Variants in KIAA1217 observed in about 807,000 individuals in gnomAD.
KIAA1217 encodes KIAA1217, also known as sickle tail protein homolog.
A neutral mutation model predicts 163.9 loss-of-function variants in KIAA1217; 88 were observed. The observed-to-expected ratio is 0.54, with a 90% CI of 0.45 to 0.64. The LOEUF is 0.64. KIAA1217 is among the 30% of genes least tolerant of loss of function. The pLI is 0.00. For synonymous variants in KIAA1217, 903 were observed against 923.1 expected, an observed-to-expected ratio of 0.98 and a Z score of 0.39; for missense variants, 2,372 against 2,475.0, an observed-to-expected ratio of 0.96 and a Z score of 0.88.
At chr10:24,314,336 G>A (rs754832789) in intron 2 of KIAA1217, among the ~76,000 whole-genome samples, 12 of 152,248 alleles carry the variant, frequency 7.9e-5, no homozygotes, top group South Asian at 2.1e-4. Flanking sequence ...GACAACATGC[G>A]GGAGACTTAG....
At chr10:23,845,312 A>G (rs1488223486) in intron 1 of KIAA1217, among the ~76,000 whole-genome samples, 2 of 152,200 alleles carry the variant, frequency 1.3e-5, no homozygotes, top group Non-Finnish European at 2.9e-5. Context: ...GAATCACCAC[A>G]CTGTCTTCCA....
rs530766850 is a variant in KIAA1217 at position 24,085,191 on chromosome 10, G to A, written c.-171+77817G>A. 3.3e-5 allele frequency among the ~76,000 whole-genome samples: 5 copies of A among 152,230 alleles called. No individual in the cohort carries two copies. The East Asian group carries it at 5.8e-4, about 18-fold the overall frequency. Reference sequence around the variant, plus strand: ...AGCCTCCCAAAGTGCTGGGATTACCGCGTGAGCCACCGCGCCCGGCCCAGA... The same window carrying A: ...AGCCTCCCAAAGTGCTGGGATTACCACGTGAGCCACCGCGCCCGGCCCAGA... On this transcript the variant is annotated intron_variant, in intron 2 of 18. Coordinates refer to the KIAA1217 transcript ENST00000376462.
intron 1 of KIAA1217, among the ~76,000 whole-genome samples, chr10:23,794,378 C>T (rs1314103026): frequency 6.6e-6 from 1 of 152,122 alleles, no homozygotes; most frequent in Non-Finnish European, 1.5e-5. Flanking sequence ...GGAAACCGAC[C>T]CATCCTGTTC....
At chr10:23,744,410 G>A (rs1839286470) in intron 1 of KIAA1217, among the ~76,000 whole-genome samples, 1 of 152,178 alleles carries the variant, frequency 6.6e-6, no homozygotes, top group Non-Finnish European at 1.5e-5. Flanking sequence ...TTCCTCAGAG[G>A]ACACACTAGG....
chr10:24,480,047 T>A (rs1316903549), intron 6 of KIAA1217, among the ~76,000 whole-genome samples: 3 of 152,116 alleles, frequency 2.0e-5, no homozygotes, highest in Non-Finnish European at 1.5e-5. Flanking sequence ...ATCCAAACCG[T>A]AGCAGATGTT....
intron 2 of KIAA1217, among the ~76,000 whole-genome samples, chr10:24,092,212 G>A (rs746192397): frequency 1.3e-5 from 2 of 151,544 alleles, no homozygotes; most frequent in Non-Finnish European, 2.9e-5. Flanking sequence ...GCTTCCCTGT[G>A]TCAGCTGAAA....
chr10:23,890,382 CA>C (rs1841367085), intron 1 of KIAA1217, among the ~76,000 whole-genome samples: 3 of 151,684 alleles, frequency 2.0e-5, no homozygotes, highest in Admixed American at 6.6e-5. Context: ...TTCTTCTGAG[CA>C]ATGCTTTATC....
At chr10:24,516,472 T>A (rs938667743) in intron 10 of KIAA1217, among the ~76,000 whole-genome samples, 1 of 152,256 alleles carries the variant, frequency 6.6e-6, no homozygotes, top group African/African-American at 2.4e-5. Flanking sequence ...AACCCCAGAT[T>A]CACAATTTCT....
At chr10:24,449,748 C>T (rs1162172140) in intron 5 of KIAA1217, 1 of 985,098 alleles carries the variant, frequency 1.0e-6, no homozygotes, top group African/African-American at 1.7e-5. Flanking sequence ...AAAAGAAAGG[C>T]TCACGGAAAA....
intron 2 of KIAA1217, among the ~76,000 whole-genome samples, chr10:24,354,459 T>C (rs1316471147): frequency 6.6e-6 from 1 of 152,242 alleles, no homozygotes; most frequent in Non-Finnish European, 1.5e-5. Flanking sequence ...GTTACCATGC[T>C]CTTTTAGCTC....
intron 2 of KIAA1217, among the ~76,000 whole-genome samples, chr10:24,106,354 G>A (rs1440322197): frequency 2.0e-5 from 3 of 151,970 alleles, no homozygotes; most frequent in Non-Finnish European, 4.4e-5. Flanking sequence ...TAAAAAGAGA[G>A]GGTAAGAACA....
rs776079238 is a variant in KIAA1217, at chr10:24,542,673, G to A, written c.3535-20G>A. 4 of 1,609,140 alleles carry A rather than the reference G, an allele frequency of 2.5e-6. No homozygotes were observed. The highest frequency in any genetic ancestry group is 3.4e-6 in the Non-Finnish European group (4 of 1,175,464). On this transcript the variant is annotated intron_variant, in intron 17 of 20. Transcript: ENST00000376454. ...GGGATGTGGTTTTGTGGAGTAACAT[G>A]TCCTACACTATTCTACCAGAATTTG...
chr10:24,505,668 T>A (rs1156653282), intron 9 of KIAA1217, among the ~76,000 whole-genome samples: 1 of 152,014 alleles, frequency 6.6e-6, no homozygotes, highest in Non-Finnish European at 1.5e-5. Flanking sequence ...CTCCTACTTC[T>A]TTCATCCCCA....
At chr10:24,052,397 T>G (rs1287030781) in intron 2 of KIAA1217, among the ~76,000 whole-genome samples, 2 of 152,176 alleles carry the variant, frequency 1.3e-5, no homozygotes, top group East Asian at 3.8e-4. Flanking sequence ...AGCTCTATTT[T>G]TATAAATATT....
At chr10:24,152,166 T>C (rs1258421310) in intron 2 of KIAA1217, among the ~76,000 whole-genome samples, 1 of 152,236 alleles carries the variant, frequency 6.6e-6, no homozygotes, top group Non-Finnish European at 1.5e-5. Context: ...TCTTTTTCTG[T>C]AGCTCAGCAT....
At chr10:24,157,190 T>C (rs1179092781) in intron 2 of KIAA1217, among the ~76,000 whole-genome samples, 2 of 152,244 alleles carry the variant, frequency 1.3e-5, no homozygotes, top group Non-Finnish European at 2.9e-5. Context: ...ATTAGTCTTT[T>C]TAATTTTAGC....
chr10:24,066,238 T>C (rs1454555343), intron 2 of KIAA1217, among the ~76,000 whole-genome samples: 2 of 152,062 alleles, frequency 1.3e-5, no homozygotes, highest in African/African-American at 4.8e-5. Context: ...TTCCTAGCCT[T>C]GACGGTCTTT....
intron 2 of KIAA1217, among the ~76,000 whole-genome samples, chr10:24,008,789 C>T (rs958862296): frequency 1.3e-5 from 2 of 152,154 alleles, no homozygotes; most frequent in African/African-American, 4.8e-5. Context: ...GACATTCCTA[C>T]GCTACCGCCC....
At chr10:24,541,803 G>A (rs1384345263) in intron 17 of KIAA1217, among the ~76,000 whole-genome samples, 1 of 152,188 alleles carries the variant, frequency 6.6e-6, no homozygotes, top group Non-Finnish European at 1.5e-5. Flanking sequence ...AGTCTACACT[G>A]GAAAATATAG....
Sources: gnomAD v4.1 joint callset for allele counts (sites outside exome capture counted in the v4.1 genomes callset) on GRCh38, gnomAD v4.1.1 for gene constraint, MANE v1.5 for transcripts, NCBI Gene and HGNC (gene_info 2026-07-23, HGNC 2026-07-21) for gene names.